Variants in LRRC4C observed in about 807,000 individuals in gnomAD.
The protein encoded by LRRC4C is leucine rich repeat containing 4C.
In LRRC4C, 5 loss-of-function variants were observed where a neutral mutation model predicts 33.6. The ratio of observed to expected loss-of-function variants is 0.15; its 90% confidence interval spans 0.08 to 0.31. The LOEUF (loss-of-function observed/expected upper bound fraction) is 0.31, where lower values mean the gene tolerates loss of function less well. LRRC4C is among the 10% of genes least tolerant of loss of function. The pLI, the probability that LRRC4C is intolerant of heterozygous loss-of-function variation, is 1.00. For missense variants in LRRC4C, 560 were observed against 796.7 expected, an observed-to-expected ratio of 0.70 and a Z score of 3.58; for synonymous variants, 329 against 302.0, an observed-to-expected ratio of 1.09 and a Z score of -0.93.
intron 3 of LRRC4C, among the ~76,000 whole-genome samples, chr11:40,539,702 A>G (rs1956625429): frequency 6.6e-6 from 1 of 152,132 alleles, no homozygotes; most frequent in Non-Finnish European, 1.5e-5. Flanking sequence ...GAGTCCTTTC[A>G]TTGGTTTGTA....
chr11:40,913,022 TAC>T (rs1956772811), intron 2 of LRRC4C, among the ~76,000 whole-genome samples: 1 of 152,140 alleles, frequency 6.6e-6, no homozygotes, highest in South Asian at 2.1e-4. Context: ...ATGCACCCAA[TAC>T]AAGAGCACTC....
chr11:40,814,286 C>A (rs1332670128), intron 2 of LRRC4C, among the ~76,000 whole-genome samples: 2 of 152,144 alleles, frequency 1.3e-5, no homozygotes, highest in Admixed American at 6.6e-5. Context: ...ATGGTCAATA[C>A]CACATCAAAG....
intron 5 of LRRC4C, among the ~76,000 whole-genome samples, chr11:40,187,660 A>G (rs1159492739): frequency 6.6e-6 from 1 of 152,120 alleles, no homozygotes; most frequent in Admixed American, 6.5e-5. Context: ...CTGGCAAGTT[A>G]GATGTTCTGA....
chr11:40,215,385 C>A (rs1329839595), intron 5 of LRRC4C, among the ~76,000 whole-genome samples: 3 of 152,090 alleles, frequency 2.0e-5, no homozygotes, highest in Non-Finnish European at 4.4e-5. Context: ...GCCTGAATAT[C>A]CATCTTTCTC....
intron 2 of LRRC4C, among the ~76,000 whole-genome samples, chr11:40,886,541 G>A (rs1437376403): frequency 6.6e-6 from 1 of 151,544 alleles, no homozygotes; most frequent in East Asian, 1.9e-4. Flanking sequence ...AAACAAAAGG[G>A]AGTTCTCTCT....
chr11:41,397,473 G>C (rs945445038), intron 1 of LRRC4C, among the ~76,000 whole-genome samples: 2 of 151,542 alleles, frequency 1.3e-5, no homozygotes, highest in African/African-American at 4.8e-5. Context: ...TTATTATAAA[G>C]ATATAGTATA....
At chr11:40,897,663 G>A (rs1956006101) in intron 2 of LRRC4C, among the ~76,000 whole-genome samples, 1 of 152,184 alleles carries the variant, frequency 6.6e-6, no homozygotes, top group South Asian at 2.1e-4. Flanking sequence ...GACAGAAGAA[G>A]GAACACTTCT....
At chr11:40,699,514 C>A (rs1190543477) in intron 2 of LRRC4C, among the ~76,000 whole-genome samples, 1 of 152,126 alleles carries the variant, frequency 6.6e-6, no homozygotes, top group African/African-American at 2.4e-5. Flanking sequence ...TATGCCATCC[C>A]ATTTTGGTGC....
intron 1 of LRRC4C, among the ~76,000 whole-genome samples, chr11:41,180,371 C>T (rs866860921): frequency 9.2e-5 from 14 of 151,972 alleles, no homozygotes; most frequent in Middle Eastern, 3.4e-3. Context: ...ATTTTAGCAG[C>T]TGTGCAAAAA....
chr11:40,695,976 C>T (rs1945481120), intron 2 of LRRC4C, among the ~76,000 whole-genome samples: 1 of 151,068 alleles, frequency 6.6e-6, no homozygotes, highest in Non-Finnish European at 1.5e-5. Flanking sequence ...ATTTTCCCTA[C>T]CACAATGCCA....
intron 3 of LRRC4C, among the ~76,000 whole-genome samples, chr11:40,510,000 G>C (rs1350723575): frequency 6.6e-6 from 1 of 152,046 alleles, no homozygotes; most frequent in Admixed American, 6.6e-5. Context: ...CTGCACTTTA[G>C]GTCAGGTAAT....
chr11:41,384,028 T>G (rs1485261964), intron 1 of LRRC4C, among the ~76,000 whole-genome samples: 1 of 152,058 alleles, frequency 6.6e-6, no homozygotes, highest in South Asian at 2.1e-4. Flanking sequence ...TTATAGCCTT[T>G]AGTTGTTTTT....
intron 1 of LRRC4C, among the ~76,000 whole-genome samples, chr11:41,361,393 A>G (rs1434196460): frequency 6.6e-6 from 1 of 152,204 alleles, no homozygotes; most frequent in Non-Finnish European, 1.5e-5. Context: ...ATAAGCTTCT[A>G]TAGTTAGTCT....
intron 2 of LRRC4C, among the ~76,000 whole-genome samples, chr11:40,866,137 G>A (rs560934425): frequency 1.2e-4 from 18 of 144,062 alleles, no homozygotes; most frequent in Non-Finnish European, 2.7e-4. Context: ...GCAGCCCAAA[G>A]TCTCTGGTTG....
In LRRC4C at chr11:40,403,393, CAT is replaced by C. The variant is rs149745837; in HGVS notation, c.-269-83674_-269-83673del. Reference sequence around the variant, plus strand: ...TATATCCTAGAAAATAATCTTCTTTCATATGTTTCTCCAAGTTGTGCAAAATG... The same window carrying C: ...TATATCCTAGAAAATAATCTTCTTTCATGTTTCTCCAAGTTGTGCAAAATG... On this transcript the variant is annotated intron_variant, in intron 3 of 6. Coordinates refer to ENST00000528697, the MANE Select transcript of LRRC4C (RefSeq NM_001258419.2). Among the ~76,000 whole-genome samples the C allele has an allele frequency of 8.4e-3, 1,278 of 152,194 alleles. 14 individuals carry two copies. Among genetic ancestry groups the C allele is most frequent in the African/African-American group, 0.028 (1,174 of 41,544 alleles).
intron 1 of LRRC4C, among the ~76,000 whole-genome samples, chr11:40,978,749 G>T (rs61887572): frequency 0.03 from 4,526 of 151,266 alleles, 59 homozygotes; most frequent in Middle Eastern, 0.044. Context: ...AACCTCCCTA[G>T]TAGCTGGGAT....
At chr11:40,842,867 G>T (rs1240852338) in intron 2 of LRRC4C, among the ~76,000 whole-genome samples, 1 of 152,124 alleles carries the variant, frequency 6.6e-6, no homozygotes, top group Non-Finnish European at 1.5e-5. Flanking sequence ...CAACTCTGTG[G>T]TGTTTTCATT....
intron 3 of LRRC4C, among the ~76,000 whole-genome samples, chr11:40,424,764 T>C (rs1950651188): frequency 6.6e-6 from 1 of 152,222 alleles, no homozygotes; most frequent in South Asian, 2.1e-4. Flanking sequence ...TATGTATATT[T>C]GACTAGGCAC....
rs202189426 is a variant in LRRC4C, at chr11:41,304,856, G to A, written c.-496+154575C>T. The stretch of plus-strand genomic sequence containing the variant: ...CCCCGCCCGGCCAGCCGCCCCATCC[G>A]GGAGGGAGGTGGGGGTATCAGCCCT... On this transcript the variant is annotated intron_variant, in intron 1 of 6. Transcript: ENST00000528697. 1.9e-4 allele frequency among the ~76,000 whole-genome samples: 17 copies of A among 87,926 alleles called. 2 individuals are homozygous for A. The highest frequency in any genetic ancestry group is 3.5e-4 in the African/African-American group (8 of 23,014). The allele number at this position is 87,926 out of a possible 152,430, so 57.7% of individuals were successfully genotyped here.
Sources: gnomAD v4.1 joint callset for allele counts (sites outside exome capture counted in the v4.1 genomes callset) on GRCh38, gnomAD v4.1.1 for gene constraint, MANE v1.5 for transcripts, NCBI Gene and HGNC (gene_info 2026-07-23, HGNC 2026-07-21) for gene names.